Variants in UTP4 observed in about 807,000 individuals in gnomAD.
UTP4 encodes U3 small nucleolar RNA-associated protein 4 homolog.
In UTP4, 45 loss-of-function variants were observed where a neutral mutation model predicts 82.4. The ratio of observed to expected loss-of-function variants is 0.55; its 90% confidence interval spans 0.43 to 0.70. The LOEUF is 0.70. Among genes scored for constraint, UTP4 ranks in the 30% least tolerant of loss-of-function variants. The pLI, the probability that UTP4 is intolerant of heterozygous loss-of-function variation, is 0.00. For missense variants in UTP4, 819 were observed against 858.3 expected (o/e 0.95, Z 0.57); for synonymous variants, 348 against 300.3 (o/e 1.16, Z -1.64).
Position 69,135,088 on chromosome 16 carries a change from A to G in UTP4, c.159+1470A>G, listed in dbSNP as rs566922495. Among the ~76,000 whole-genome samples the G allele has an allele frequency of 8.8e-4, 133 of 150,324 alleles. 1 individual carries two copies. The South Asian group carries it at 0.014, about 16-fold the overall frequency. ...TTTGTCATTTGTAACAGTTATAACT[A>G]TATAATTTGTGTGTTTGTTTAATGT... On this transcript the variant is annotated intron_variant, in intron 2 of 16. Coordinates refer to ENST00000314423, the MANE Select transcript of UTP4 (RefSeq NM_032830.3).
At chr16:69,156,525 C>T (rs1008111019) in intron 11 of UTP4, among the ~76,000 whole-genome samples, 2 of 151,910 alleles carry the variant, frequency 1.3e-5, no homozygotes, top group Non-Finnish European at 2.9e-5. Flanking sequence ...ATGGCACCAC[C>T]TCAGCTCACC....
At chr16:69,168,767 C>A in intron 16 of UTP4, 54 bp from the exon 17 acceptor site, 2 of 1,134,202 alleles carry the variant, frequency 1.8e-6, no homozygotes, top group Non-Finnish European at 2.7e-6. Flanking sequence ...TCAGTTCTTT[C>A]AGGACTAGCC....
At position 69,157,570 on chromosome 16, in the gene UTP4, A is replaced by C. The variant is rs143023631; in HGVS notation, c.1444+330A>C. On this transcript the variant is annotated intron_variant, in intron 12 of 16. Transcript: ENST00000314423. ...CTGACACCCAGAAATAGCTACCATT[A>C]ATATTTTGGTATTTTCTAATATGTA... is the stretch of plus-strand genomic sequence containing the variant. Among the ~76,000 whole-genome samples, 486 of 152,296 alleles carry C rather than the reference A, an allele frequency of 3.2e-3. 4 individuals are homozygous for C. Among genetic ancestry groups the C allele is most frequent in the Middle Eastern group, 6.8e-3 (2 of 294 alleles).
Position 69,159,065 on chromosome 16 carries a change from TATTA to T in UTP4, c.1445-1287_1445-1284del, listed in dbSNP as rs974651484. Among the ~76,000 whole-genome samples, 2 of 152,058 alleles carry T rather than the reference TATTA, an allele frequency of 1.3e-5. 1 individual carries two copies. Among genetic ancestry groups the T allele is most frequent in the South Asian group, 4.1e-4 (2 of 4,824 alleles). On this transcript the variant is annotated intron_variant, in intron 12 of 16. Transcript: ENST00000314423. ...GTTTGTCCGTAACTTTTTTTTTTAT[TATTA>T]ATTTATTTATTTTTGAGATAGAATT...
intron 12 of UTP4, among the ~76,000 whole-genome samples, chr16:69,158,846 G>A (rs1396587185): frequency 2.0e-5 from 3 of 152,178 alleles, no homozygotes; most frequent in Middle Eastern, 3.4e-3. Context: ...GTTTGGGGGC[G>A]TTACATGCAG....
At chr16:69,132,975 A>G (rs1363480918) in intron 1 of UTP4, 4 of 217,446 alleles carry the variant, frequency 1.8e-5, no homozygotes, top group South Asian at 6.0e-5. Flanking sequence ...ACTCTCGGCC[A>G]GTATATATGT....
At position 69,133,576 on chromosome 16, in the gene UTP4, T is replaced by A. The variant is rs1243914548; in HGVS notation, c.117T>A (p.Thr39=). ...TGGCTGTTTCACGAACAGATGGCAC[T>A]GTGGAAATTTATAACTTGTCAGCAA... ...NRLAVSRTDG[T]VEIYNLSANY... is the part of the protein sequence containing the mutation. The change falls in exon 2 of 17, where the codon ACT becomes ACA. Residue 39 remains threonine (T), a synonymous_variant. Coordinates refer to ENST00000314423, the MANE Select transcript of UTP4 (RefSeq NM_032830.3). 6.2e-7 allele frequency: 1 copy of A among 1,614,198 alleles called. No individual in the cohort carries two copies. Among genetic ancestry groups the A allele is most frequent in the Non-Finnish European group, 8.5e-7 (1 of 1,180,028 alleles).
chr16:69,150,770 G>A, intron 7 of UTP4, 43 bp from the exon 8 acceptor site: 2 of 1,613,494 alleles, frequency 1.2e-6, no homozygotes, highest in South Asian at 1.1e-5. Flanking sequence ...GTTCTCGTGA[G>A]GATGACTTCT....
chr16:69,164,038 C>T (rs1482933889), intron 14 of UTP4, among the ~76,000 whole-genome samples: 3 of 152,046 alleles, frequency 2.0e-5, no homozygotes, highest in African/African-American at 7.2e-5. Context: ...GCGCCCGCCA[C>T]CATGCCCGGC....
intron 6 of UTP4, among the ~76,000 whole-genome samples, chr16:69,147,984 T>C (rs1423027502): frequency 6.6e-6 from 1 of 152,122 alleles, no homozygotes; most frequent in Non-Finnish European, 1.5e-5. Context: ...GACGGAATCT[T>C]GCTCTGTCGC....
At chr16:69,135,842 A>G (rs1434797901) in intron 2 of UTP4, among the ~76,000 whole-genome samples, 1 of 152,178 alleles carries the variant, frequency 6.6e-6, no homozygotes, top group African/African-American at 2.4e-5. Flanking sequence ...CCTGACCAAC[A>G]TGGAGAAACC....
At chr16:69,143,066 T>A (rs1273785590) in intron 5 of UTP4, 112 bp from the exon 6 acceptor site, 1 of 1,096,112 alleles carries the variant, frequency 9.1e-7, no homozygotes, top group African/African-American at 1.5e-5. Flanking sequence ...CTTCGTTGCC[T>A]AGGCTGGCCT....
intron 8 of UTP4, among the ~76,000 whole-genome samples, chr16:69,152,133 A>T (rs990396160): frequency 6.6e-6 from 1 of 151,206 alleles, no homozygotes; most frequent in African/African-American, 2.4e-5. Flanking sequence ...TCTTGAATCG[A>T]GTCATTCATT....
At chr16:69,136,268 C>A (rs1311224269) in intron 2 of UTP4, among the ~76,000 whole-genome samples, 2 of 152,192 alleles carry the variant, frequency 1.3e-5, no homozygotes, top group African/African-American at 4.8e-5. Flanking sequence ...GTGGCTCACG[C>A]CTATAATCCC....
At chr16:69,154,624 A>G (rs1470305256) in intron 10 of UTP4, among the ~76,000 whole-genome samples, 167 bp downstream of exon 10, 1 of 152,172 alleles carries the variant, frequency 6.6e-6, no homozygotes, top group Non-Finnish European at 1.5e-5. Flanking sequence ...GATTATAAGT[A>G]GGACGTTGAG....
chr16:69,152,011 T>C (rs191920831), intron 8 of UTP4, among the ~76,000 whole-genome samples: 23 of 145,392 alleles, frequency 1.6e-4, no homozygotes, highest in East Asian at 5.8e-4. Flanking sequence ...GTTATAGATA[T>C]AGATAGATAG....
At position 69,155,943 on chromosome 16, in the gene UTP4, T is replaced by G; in HGVS notation, c.1237T>G (p.Phe413Val). Reference protein sequence around the residue: ...SWIAYSTVSRFFLYRLNYEHD... With the variant: ...SWIAYSTVSRVFLYRLNYEHD... ...GATAGCCTATTCTACAGTTTCTCGG[T>G]TTTTTCTCTATCGGCTGAATTATGA... The change falls in exon 11 of 17, where the codon TTT (phenylalanine) becomes GTT (valine). Residue 413 changes from phenylalanine to valine, a missense_variant. By Grantham distance (50) the Phe-to-Val change is conservative (BLOSUM62 -1). Coordinates refer to ENST00000314423, the MANE Select transcript of UTP4 (RefSeq NM_032830.3). The G allele has an allele frequency of 6.2e-7, 1 of 1,614,042 alleles. No individual in the cohort carries two copies.
intron 12 of UTP4, among the ~76,000 whole-genome samples, chr16:69,158,099 G>T (rs979928624): frequency 3.6e-5 from 5 of 138,544 alleles, no homozygotes; most frequent in Non-Finnish European, 7.6e-5. Flanking sequence ...CCTCTCCCTT[G>T]TCCTGGATTT....
At chr16:69,165,733 C>T (rs1200291591) in intron 15 of UTP4, 5 of 646,166 alleles carry the variant, frequency 7.7e-6, no homozygotes, top group African/African-American at 5.4e-5. Flanking sequence ...GGGAGGCTCT[C>T]GGGGAAGGGG....
Sources: allele counts gnomAD v4.1 joint callset (sites outside exome capture counted in the v4.1 genomes callset), GRCh38; gene constraint gnomAD v4.1.1; transcripts MANE v1.5; gene names NCBI Gene and HGNC (gene_info 2026-07-23, HGNC 2026-07-21).